DHX16: variants seen among roughly 807,000 people sequenced by gnomAD.
The protein encoded by DHX16 is DEAH-box helicase 16, also known as pre-mRNA-splicing factor ATP-dependent RNA helicase DHX16.
Under a neutral mutation model 131.2 loss-of-function variants are expected in DHX16, and 81 were observed. The ratio of observed to expected loss-of-function variants is 0.62; its 90% CI spans 0.52 to 0.74. DHX16 has a LOEUF of 0.74. Among genes scored for constraint, DHX16 ranks in the 30% least tolerant of loss-of-function variants. DHX16 has a pLI of 0.00. For missense variants in DHX16, 980 were observed against 1,363.1 expected, an observed-to-expected ratio of 0.72 and a Z score of 4.43; for synonymous variants, 440 against 520.2, an observed-to-expected ratio of 0.85 and a Z score of 2.10.
At position 30,657,026 on chromosome 6, in the gene DHX16, G is replaced by C; in HGVS notation, c.2074C>G (p.Pro692Ala). The change falls in exon 13 of 20, where the codon CCA (proline) becomes GCA (alanine). Residue 692 changes from proline to alanine, a missense_variant. Transcript: ENST00000376442. ...TAGCTCTTCTGCTTACAGAACCCTG[G>C]ATCCAGCACATAAATGATGCCCTCA... ...TIEGIIYVLDPGFCKQKSYNP... is the reference protein window; with the variant it reads ...TIEGIIYVLDAGFCKQKSYNP... 2 of 1,613,014 alleles carry C rather than the reference G, an allele frequency of 1.2e-6. No individual in the cohort carries two copies. Among genetic ancestry groups the C allele is most frequent in the Non-Finnish European group, 1.7e-6 (2 of 1,180,016 alleles).
rs1767611233 is a variant in DHX16, at chr6:30,653,154, T to A, written c.*88A>T. The A allele has an allele frequency of 6.8e-7, 1 of 1,462,098 alleles. No homozygotes were observed. Among genetic ancestry groups the A allele is most frequent in the East Asian group, 2.5e-5 (1 of 40,730 alleles). The allele number at this position is 1,462,098 out of a possible 1,614,324, so 90.6% of individuals were successfully genotyped here. A position where few individuals can be genotyped will look rare whatever the true frequency, so the allele number is the denominator to read the frequency against. ...TAGATCCCAAATGTTCCCACAAGCT[T>A]TATTCCAAAAATAATTTTATTTAAT... is the stretch of plus-strand genomic sequence containing the variant. On this transcript the variant is annotated 3_prime_UTR_variant, in exon 20 of 20. Transcript: ENST00000376442.
Position 30,659,926 on chromosome 6 carries a change from T to C in DHX16, c.1756-92A>G, listed in dbSNP as rs779497637. On this transcript the variant is annotated intron_variant, in intron 10 of 19. Transcript: ENST00000376442. ...CAATTCAACATACACTTTATCCTAG[T>C]TCCCCTTTGAACCTTCCATTCCATC... 2.1e-4 allele frequency: 321 copies of C among 1,552,962 alleles called. 1 individual carries two copies. Among genetic ancestry groups the C allele is most frequent in the Non-Finnish European group, 2.7e-4 (309 of 1,130,852 alleles).
Position 30,670,455 on chromosome 6 carries a change from C to G in DHX16, c.621G>C (p.Glu207Asp). ...LERSDKKAYE[E>D]AQKRLKMAEE... ...CGGCCATCTTGAGGCGCTTCTGAGC[C>G]TCTTCATAAGCCTAGAAGAAAAAAC... The change falls in exon 4 of 20, where the codon GAG becomes GAC. Residue 207 changes from glutamate to aspartate, a missense_variant. Transcript: ENST00000376442. This position sits in a 1 kb window ranked among gnomAD's most constrained non-coding sequence, Gnocchi z 4.4. The G allele has an allele frequency of 6.2e-7, 1 of 1,611,328 alleles. No individual in the cohort carries two copies.
chr6:30,660,524 C>G, intron 9 of DHX16: 1 of 368,738 alleles, frequency 2.7e-6, no homozygotes, highest in Non-Finnish European at 4.8e-6. Context: ...TAGCCATACC[C>G]TCTAGTTCAG....
intron 4 of DHX16, among the ~76,000 whole-genome samples, chr6:30,667,454 C>A (rs1230991753): frequency 1.3e-5 from 2 of 151,838 alleles, no homozygotes; most frequent in Non-Finnish European, 2.9e-5. Context: ...TGGCAGCAGG[C>A]GCCTGTAGTT....
In DHX16 at chr6:30,657,052, A is replaced by G. The variant is rs756705300; in HGVS notation, c.2048T>C (p.Ile683Thr). The part of the protein sequence containing the change: ...ATNIAETSLT[I>T]EGIIYVLDPG... ...ATCCAGCACATAAATGATGCCCTCA[A>G]TGGTGAGTGATGTCTCAGCAATGTT... Residue 683 changes from isoleucine to threonine, a missense_variant, in exon 13 of 20, where the codon ATT becomes ACT. This residue lies in a region of DHX16 where 309 missense variants were observed against 537.1 expected (regional missense o/e 0.58). Transcript: ENST00000376442. The G allele has an allele frequency of 2.5e-6, 4 of 1,612,922 alleles. No individual in the cohort carries two copies. The highest frequency in any genetic ancestry group is 1.1e-5 in the South Asian group (1 of 91,086).
At chr6:30,660,356 G>T in intron 9 of DHX16, 114 bp from the exon 10 acceptor site, 1 of 852,796 alleles carries the variant, frequency 1.2e-6, no homozygotes, top group Non-Finnish European at 1.7e-6. Context: ...AAGAATGACT[G>T]TTGACGGAGG....
Position 30,655,191 on chromosome 6 carries a change from T to C in DHX16, c.2807A>G (p.Tyr936Cys). 2 of 1,614,112 alleles carry C rather than the reference T, an allele frequency of 1.2e-6. No homozygotes were observed. The highest frequency in any genetic ancestry group is 8.5e-7 in the Non-Finnish European group (1 of 1,180,016). ...AATGCTGACCTTGCGTACACGGATA[T>C]AGTCCCCCTGGCAGGAACTGAGACC... ...EVGLSSCQGD[Y>C]IRVRKAITAG... is the part of the protein sequence containing the mutation. Residue 936 changes from tyrosine to cysteine, a missense_variant, in exon 18 of 20, where the codon TAT (tyrosine) becomes TGT (cysteine). Physicochemically the swap from Tyr to Cys is radical, Grantham distance 194. Coordinates refer to ENST00000376442, the MANE Select transcript of DHX16 (RefSeq NM_003587.5).
At chr6:30,664,492 A>C (rs1044333728) in intron 7 of DHX16, among the ~76,000 whole-genome samples, 2 of 151,922 alleles carry the variant, frequency 1.3e-5, no homozygotes, top group African/African-American at 4.8e-5. Flanking sequence ...AAAAAAAAAA[A>C]AAACTAACAA....
rs764020358 is a variant in DHX16, at chr6:30,663,020, C to A, written c.1319G>T (p.Gly440Val). The change falls in exon 8 of 20, where the codon GGT becomes GTT. Residue 440 changes from glycine (G) to valine (V), a missense_variant and splice_region_variant. Transcript: ENST00000376442. ...TQIPQYLFEE[G>V]YTNKGMKIAC... Reference sequence around the variant, plus strand: ...AATCTTCATACCCTTGTTTGTATAACCCTGAATGACAAAGAAAAAAGAAGA... The same window carrying A: ...AATCTTCATACCCTTGTTTGTATAAACCTGAATGACAAAGAAAAAAGAAGA... 6.2e-7 allele frequency: 1 copy of A among 1,601,374 alleles called. No individual in the cohort carries two copies. Among genetic ancestry groups the A allele is most frequent in the East Asian group, 2.2e-5 (1 of 44,806 alleles).
intron 11 of DHX16, 39 bp downstream of exon 11, chr6:30,659,697 C>T: frequency 2.5e-6 from 4 of 1,612,878 alleles, no homozygotes; most frequent in Non-Finnish European, 2.5e-6. Context: ...CTGTCTTCCC[C>T]TGGGATACAT....
At position 30,653,141 on chromosome 6, in the gene DHX16, G is replaced by T; in HGVS notation, c.*101C>A. On this transcript the variant is annotated 3_prime_UTR_variant, in exon 20 of 20. Coordinates refer to ENST00000376442, the MANE Select transcript of DHX16 (RefSeq NM_003587.5). The stretch of plus-strand genomic sequence containing the variant: ...ATATCACTTTCTCTAGATCCCAAAT[G>T]TTCCCACAAGCTTTATTCCAAAAAT... 7.2e-7 allele frequency: 1 copy of T among 1,395,680 alleles called. No individual in the cohort carries two copies. 86.5% of individuals were successfully genotyped at this position (1,395,680 alleles called of 1,614,324 possible).
Position 30,655,273 on chromosome 6 carries a change from G to A in DHX16, c.2725C>T (p.Arg909Cys), listed in dbSNP as rs1204598241. ...TGTTCCCGCACATCCCGGGCTCGGC[G>A]CATCGATCTGAACTGTACAAAGTTC... Reference protein sequence around the residue: ...YENFVQFRSMRRARDVREQLE... With the variant: ...YENFVQFRSMCRARDVREQLE... The change falls in exon 18 of 20, where the codon CGC becomes TGC. Residue 909 changes from arginine to cysteine, a missense_variant. By Grantham distance (180) the Arg-to-Cys change is radical. Around this residue, in one of 3 missense-constraint regions of DHX16, gnomAD observed 214 missense variants for 271.2 expected, o/e 0.79. Coordinates refer to ENST00000376442, the MANE Select transcript of DHX16 (RefSeq NM_003587.5). 4.3e-6 allele frequency: 7 copies of A among 1,614,050 alleles called. No individual in the cohort carries two copies. The highest frequency in any genetic ancestry group is 2.2e-5 in the East Asian group (1 of 44,900).
In DHX16 at chr6:30,659,637, T is replaced by G. The variant is rs777470524; in HGVS notation, c.1855-13A>C. ...CCTCAATCTCCTCCTGGATAGAGGG[T>G]AGGGAGAGCAGCAGGGGTCCCAGAG... On this transcript the variant is annotated splice_polypyrimidine_tract_variant and intron_variant, in intron 11 of 19. Coordinates refer to ENST00000376442, the MANE Select transcript of DHX16 (RefSeq NM_003587.5). 6.2e-7 allele frequency: 1 copy of G among 1,613,812 alleles called. No individual in the cohort carries two copies.
At position 30,671,199 on chromosome 6, in the gene DHX16, G is replaced by A. The variant is rs767625377; in HGVS notation, c.283C>T (p.Arg95Ter). The change falls in exon 2 of 20, where the codon CGA becomes TGA. Residue 95 changes from arginine (R) to a stop codon, truncating the protein, a stop_gained. Coordinates refer to ENST00000376442, the MANE Select transcript of DHX16 (RefSeq NM_003587.5). LOFTEE classifies it high-confidence loss of function. ...CTGTCTTCCAGTAACCTATAAGATC[G>A]GTTCTTCTCCAGCAGGGCCCGGGCC... ...REARALLEKNRSYRLLEDSEE... is the reference protein window; with the variant it reads ...REARALLEKN The A allele has an allele frequency of 6.2e-6, 10 of 1,612,858 alleles. No homozygotes were observed. The highest frequency in any genetic ancestry group is 4.5e-5 in the East Asian group (2 of 44,898).
In DHX16 at chr6:30,657,232, A is replaced by G. The variant is rs553257488; in HGVS notation, c.2008-140T>C. 1.4e-3 allele frequency: 1,170 copies of G among 845,308 alleles called. 3 individuals carry two copies. The highest frequency in any genetic ancestry group is 5.8e-3 in the Middle Eastern group (21 of 3,610). 52.4% of individuals were successfully genotyped at this position (845,308 alleles called of 1,614,324 possible). A position where few individuals can be genotyped will look rare whatever the true frequency, so the allele number is the denominator to read the frequency against. On this transcript the variant is annotated intron_variant, in intron 12 of 19. Coordinates refer to ENST00000376442, the MANE Select transcript of DHX16 (RefSeq NM_003587.5). ...GGAATTAGTAGTATCCAAGGTCAGG[A>G]GCAGGGGACAAGGCCAGAAGACAGG...
Position 30,671,134 on chromosome 6 carries a change from G to A in DHX16, c.348C>T (p.Ser116=). 1 of 1,613,066 alleles carries A rather than the reference G, an allele frequency of 6.2e-7. No homozygotes were observed. The highest frequency in any genetic ancestry group is 8.5e-7 in the Non-Finnish European group (1 of 1,180,032). ...SSEETVSRAG[S]SLQKKRKKRK... ...GCTTTTTACGTTTCTTCTGGAGGCT[G>A]CTTCCAGCCCTACTCACAGTCTCCT... Residue 116 remains serine (S), a synonymous_variant, in exon 2 of 20, where the codon AGC becomes AGT. Coordinates refer to ENST00000376442, the MANE Select transcript of DHX16 (RefSeq NM_003587.5).
chr6:30,663,858 C>G (rs971303630), intron 7 of DHX16, among the ~76,000 whole-genome samples: 1 of 151,250 alleles, frequency 6.6e-6, no homozygotes, highest in African/African-American at 2.4e-5. Context: ...AACCCCATCT[C>G]TACTAAAAAT....
intron 16 of DHX16, 80 bp from the exon 17 acceptor site, chr6:30,655,677 G>T: frequency 6.7e-7 from 1 of 1,497,502 alleles, no homozygotes; most frequent in Non-Finnish European, 9.2e-7. Context: ...TGATCACTGT[G>T]TGATGGATGT....
Sources: gnomAD v4.1 joint callset for allele counts (sites outside exome capture counted in the v4.1 genomes callset) on GRCh38, gnomAD v4.1.1 for gene constraint, gnomAD v4.1.1 regional missense constraint, Gnocchi (gnomAD v3.1) non-coding constraint, MANE v1.5 for transcripts, NCBI Gene and HGNC (gene_info 2026-07-23, HGNC 2026-07-21) for gene names.